Variants in IDUA observed in about 807,000 individuals in gnomAD.
The protein encoded by IDUA is iduronidase alpha-L-.
Under a neutral mutation model 68.9 loss-of-function variants are expected in IDUA, and 65 were observed. That is an observed-to-expected ratio of 0.94 (90% CI 0.77 to 1.16). IDUA has a LOEUF of 1.16. Ranked by LOEUF, IDUA falls within the 50% of genes most tolerant of loss-of-function variation. The pLI is 0.00. For missense variants in IDUA, 1,046 were observed against 938.0 expected (o/e 1.12, Z -1.50); for synonymous variants, 529 against 433.6 (o/e 1.22, Z -2.73).
chr4:991,287 C>A (rs537321527), intron 2 of IDUA: 12 of 1,612,612 alleles, frequency 7.4e-6, no homozygotes, highest in Non-Finnish European at 8.5e-6. Context: ...GCTGGAGCTC[C>A]CGGTCCACCA....
Position 1,002,044 on chromosome 4 carries a change from G to A in IDUA, c.855G>A (p.Gln285=), listed in dbSNP as rs781622799. 1.3e-6 allele frequency: 2 copies of A among 1,598,194 alleles called. No individual in the cohort carries two copies. Among genetic ancestry groups the A allele is most frequent in the African/African-American group, 2.7e-5 (2 of 74,846 alleles). Residue 285 remains glutamine (Q), a synonymous_variant, in exon 7 of 14, where the codon CAG becomes CAA. Transcript: ENST00000514224. The part of the protein sequence containing the change: ...QEKVVAQQIR[Q]LFPKFADTPI... ...AGGTCGTCGCGCAGCAGATCCGGCA[G>A]CTCTTCCCCAAGTTCGCGGACACCC... is the stretch of plus-strand genomic sequence containing the variant.
chr4:1,003,131 C>G lies in IDUA; in HGVS notation c.1498C>G (p.Gln500Glu), dbSNP rs1290558249. Residue 500 changes from glutamine (Q) to glutamate (E), a missense_variant, in exon 10 of 14, where the codon CAG (glutamine) becomes GAG (glutamate). Transcript: ENST00000514224. ...CCGGCCCGTCTTCCCCACGGCAGAG[C>G]AGTTCCGGCGCATGCGCGCGGCTGA... is the stretch of plus-strand genomic sequence containing the variant. ...LGRPVFPTAE[Q>E]FRRMRAAEDP... is the part of the protein sequence containing the mutation. The G allele has an allele frequency of 6.7e-7, 1 of 1,492,264 alleles. No homozygotes were observed. Among genetic ancestry groups the G allele is most frequent in the Non-Finnish European group, 8.9e-7 (1 of 1,127,650 alleles). 92.4% of individuals were successfully genotyped at this position (1,492,264 alleles called of 1,614,324 possible).
Position 1,003,206 on chromosome 4 carries a change from G to A in IDUA, c.1524+49G>A, listed in dbSNP as rs574084547. The A allele has an allele frequency of 5.4e-6, 7 of 1,292,774 alleles. No individual in the cohort carries two copies. In the South Asian group the frequency reaches 1.1e-4, roughly 20 times the overall value. 80.1% of individuals were successfully genotyped at this position (1,292,774 alleles called of 1,614,324 possible). A position where few individuals can be genotyped will look rare whatever the true frequency, so the allele number is the denominator to read the frequency against. On this transcript the variant is annotated intron_variant, in intron 10 of 13. Coordinates refer to ENST00000514224, the MANE Select transcript of IDUA (RefSeq NM_000203.5). ...GGGGCCGGGCCGGGCCGGGGTCCCG[G>A]GGGGGTGGGGTCCGGGGCGGGGGCT...
chr4:1,004,039 C>A lies in IDUA; in HGVS notation c.1755C>A (p.Phe585Leu). 3 of 1,612,218 alleles carry A rather than the reference C, an allele frequency of 1.9e-6. No homozygotes were observed. Among genetic ancestry groups the A allele is most frequent in the Non-Finnish European group, 2.5e-6 (3 of 1,179,656 alleles). ...SKCLWTYEIQ[F>L]SQDGKAYTPV... ...GCCTGTGGACATACGAGATCCAGTT[C>A]TCTCAGGACGGTAAGGCGTACACCC... The change falls in exon 13 of 14, where the codon TTC becomes TTA. Residue 585 changes from phenylalanine to leucine, a missense_variant. Coordinates refer to ENST00000514224, the MANE Select transcript of IDUA (RefSeq NM_000203.5). The surrounding 1 kb of genome is among the most constrained non-coding windows in gnomAD (Gnocchi z 5.0).
chr4:998,536 G>A (rs1381550618), intron 2 of IDUA, among the ~76,000 whole-genome samples: 1 of 152,146 alleles, frequency 6.6e-6, no homozygotes, highest in African/African-American at 2.4e-5. Context: ...CTCAGACCCT[G>A]GCCAGCCTGG....
Position 987,941 on chromosome 4 carries a change from C to A in IDUA, c.291C>A (p.Val97=). The part of the protein sequence containing the change: ...QVRTHWLLEL[V]TTRGSTGRGL... ...GGACCCACTGGCTGCTGGAGCTTGTCACCACCAGGTGGGCGGCGGGCAGGG... is the reference window on the plus strand; with the variant it reads ...GGACCCACTGGCTGCTGGAGCTTGTAACCACCAGGTGGGCGGCGGGCAGGG... The change falls in exon 2 of 14, where the codon GTC becomes GTA. Residue 97 remains valine (V), a synonymous_variant. Coordinates refer to ENST00000514224, the MANE Select transcript of IDUA (RefSeq NM_000203.5). 6.3e-7 allele frequency: 1 copy of A among 1,584,266 alleles called. No homozygotes were observed. Among genetic ancestry groups the A allele is most frequent in the East Asian group, 2.3e-5 (1 of 43,146 alleles).
chr4:987,003 T>C, upstream of IDUA: 2 of 1,092,970 alleles, frequency 1.8e-6, no homozygotes, highest in Admixed American at 2.5e-5. Flanking sequence ...GGCGGTCACA[T>C]GGGGTGCGCG....
rs781136336 is a variant in IDUA, at chr4:1,003,397, T to C, written c.1577T>C (p.Leu526Pro). 3.9e-4 allele frequency: 595 copies of C among 1,522,386 alleles called. No homozygotes were observed. Among genetic ancestry groups the C allele is most frequent in the South Asian group, 5.1e-4 (42 of 82,710 alleles). 94.3% of individuals were successfully genotyped at this position (1,522,386 alleles called of 1,614,324 possible). A position where few individuals can be genotyped will look rare whatever the true frequency, so the allele number is the denominator to read the frequency against. ...TTACCCGCCGGCGGCCGCCTGACCC[T>C]GCGCCCCGCGCTGCGGCTGCCGTCG... ...RPLPAGGRLT[L>P]RPALRLPSLL... The change falls in exon 11 of 14, where the codon CTG becomes CCG. Residue 526 changes from leucine (L) to proline (P), a missense_variant. By Grantham distance (98) the Leu-to-Pro change is moderately conservative. Transcript: ENST00000514224.
chr4:1,000,821 G>T, intron 3 of IDUA, 61 bp from the exon 4 acceptor site: 1 of 1,526,316 alleles, frequency 6.6e-7, no homozygotes, highest in East Asian at 2.3e-5. Flanking sequence ...CCGGAGCACA[G>T]GCCTGGCAGA....
intron 2 of IDUA, chr4:991,685 G>A (rs1433052181): frequency 1.3e-6 from 2 of 1,534,570 alleles, no homozygotes; most frequent in East Asian, 2.3e-5. Context: ...TGCTGCAGAG[G>A]CTCAGGGGAC....
At chr4:997,932 G>A (rs1032049363) in intron 2 of IDUA, among the ~76,000 whole-genome samples, 3 of 152,244 alleles carry the variant, frequency 2.0e-5, no homozygotes, top group African/African-American at 7.2e-5. Flanking sequence ...GTCAGGGGCT[G>A]CCGGGCTATC....
At chr4:990,927 CT>C in intron 2 of IDUA, 1 of 575,822 alleles carries the variant, frequency 1.7e-6, no homozygotes, top group South Asian at 2.7e-5. Context: ...TGCCCCTCCC[CT>C]CCTGCATCCA....
Position 1,004,093 on chromosome 4 carries a change from C to A in IDUA, c.1809C>A (p.Asn603Lys). The A allele has an allele frequency of 6.2e-7, 1 of 1,613,048 alleles. No homozygotes were observed. Among genetic ancestry groups the A allele is most frequent in the Non-Finnish European group, 8.5e-7 (1 of 1,179,892 alleles). Reference sequence around the variant, plus strand: ...TCAGCAGGAAGCCATCGACCTTCAACCTCTTTGTGTTCAGCCCAGGTGCGC... The same window carrying A: ...TCAGCAGGAAGCCATCGACCTTCAAACTCTTTGTGTTCAGCCCAGGTGCGC... ...TPVSRKPSTF[N>K]LFVFSPDTGA... The change falls in exon 13 of 14, where the codon AAC (asparagine) becomes AAA (lysine). Residue 603 changes from asparagine (N) to lysine (K), a missense_variant. By Grantham distance (94) the Asn-to-Lys change is moderately conservative. Coordinates refer to ENST00000514224, the MANE Select transcript of IDUA (RefSeq NM_000203.5). The surrounding 1 kb of genome is among the most constrained non-coding windows in gnomAD (Gnocchi z 5.0).
chr4:1,001,086 C>T (rs909523147), intron 4 of IDUA, 97 bp downstream of exon 4: 1 of 849,556 alleles, frequency 1.2e-6, no homozygotes, highest in Admixed American at 1.9e-5. Flanking sequence ...TCAGGAGATA[C>T]ATTGGTGGGC....
intron 2 of IDUA, among the ~76,000 whole-genome samples, chr4:992,383 C>T (rs1577523774): frequency 6.6e-6 from 1 of 152,240 alleles, no homozygotes; most frequent in Admixed American, 6.5e-5. Context: ...CAGGAAGAGG[C>T]CTCCTATGTC....
At chr4:989,439 G>A (rs1194432671) in intron 2 of IDUA, 14 of 1,554,080 alleles carry the variant, frequency 9.0e-6, no homozygotes, top group African/African-American at 1.4e-5. Flanking sequence ...GGCCGGCCAG[G>A]CTGAGCAGCG....
chr4:993,875 G>A lies in IDUA; in HGVS notation c.299+5926G>A, dbSNP rs3806758. On this transcript the variant is annotated intron_variant, in intron 2 of 13. Transcript: ENST00000514224. ...CAAGGCTGCCGGTGCGTGCATATGC[G>A]TGTGTGCTCGCGTAAGCCCTGTGTG... Among the ~76,000 whole-genome samples, 44 of 152,246 alleles carry A rather than the reference G, an allele frequency of 2.9e-4. No individual in the cohort carries two copies. The East Asian group carries it at 4.8e-3, about 17-fold the overall frequency.
chr4:993,340 C>T (rs897146297), intron 2 of IDUA: 10 of 152,298 alleles, frequency 6.6e-5, no homozygotes, highest in Middle Eastern at 3.4e-3. Context: ...CCTGGGATGA[C>T]GAGGGGCTGG....
chr4:998,447 C>A (rs960254955), intron 2 of IDUA, among the ~76,000 whole-genome samples: 2 of 152,130 alleles, frequency 1.3e-5, no homozygotes, highest in Non-Finnish European at 2.9e-5. Context: ...ACTGCAGATG[C>A]GGCACAAAGC....
Sources: allele counts gnomAD v4.1 joint callset (sites outside exome capture counted in the v4.1 genomes callset), GRCh38; gene constraint gnomAD v4.1.1; non-coding constraint Gnocchi (gnomAD v3.1); transcripts MANE v1.5; gene names NCBI Gene and HGNC (gene_info 2026-07-23, HGNC 2026-07-21).